The following RBFOX1 variants were observed in gnomAD, a reference collection of about 807,000 sequenced individuals.
RBFOX1 encodes RNA binding protein fox-1 homolog 1.
In RBFOX1, 8 loss-of-function variants were observed where a neutral mutation model predicts 57.7. The observed-to-expected ratio is 0.14, with a 90% CI of 0.08 to 0.25. The LOEUF (loss-of-function observed/expected upper bound fraction) is 0.25, where lower values mean the gene tolerates loss of function less well. Ranked by LOEUF, RBFOX1 falls within the 10% of genes least tolerant of loss-of-function variation. RBFOX1 has a pLI of 1.00. For synonymous variants in RBFOX1, 326 were observed against 222.4 expected (o/e 1.47, Z -4.15); for missense variants, 611 against 548.5 (o/e 1.11, Z -1.14).
chr16:7,542,229 G>A (rs2083147184), intron 5 of RBFOX1, among the ~76,000 whole-genome samples: 1 of 152,122 alleles, frequency 6.6e-6, no homozygotes, highest in Admixed American at 6.6e-5. Flanking sequence ...CTGGTCAAAG[G>A]GGAAAGAAAA....
chr16:6,383,913 A>G (rs2092041528), intron 2 of RBFOX1, among the ~76,000 whole-genome samples: 1 of 152,134 alleles, frequency 6.6e-6, no homozygotes, highest in South Asian at 2.1e-4. Flanking sequence ...TTGAAGCATA[A>G]TGGATCCTCT....
chr16:6,759,311 T>C (rs2076258514), intron 3 of RBFOX1, among the ~76,000 whole-genome samples: 1 of 152,056 alleles, frequency 6.6e-6, no homozygotes, highest in Non-Finnish European at 1.5e-5. Flanking sequence ...GCACCACAGC[T>C]GGCTAATTTT....
chr16:5,948,469 T>G (rs1273521405), intron 4 of RBFOX1, among the ~76,000 whole-genome samples: 2 of 152,174 alleles, frequency 1.3e-5, no homozygotes, highest in Admixed American at 6.6e-5. Flanking sequence ...GTGGCCATAT[T>G]TGGAAATAAG....
chr16:6,054,595 A>T (rs1567343364), intron 1 of RBFOX1, among the ~76,000 whole-genome samples: 1 of 152,138 alleles, frequency 6.6e-6, no homozygotes, highest in Non-Finnish European at 1.5e-5. Flanking sequence ...GGGTCTATGG[A>T]GGTGCAAACT....
Position 6,982,744 on chromosome 16 carries a change from A to G in RBFOX1, c.-15-69313A>G, listed in dbSNP as rs1471033902. ...GCAGTGGCTCATGCCTGTAATCCCA[A>G]CACTTTGGGAGGTCGAGGCAGGTGG... is the stretch of plus-strand genomic sequence containing the variant. On this transcript the variant is annotated intron_variant, in intron 3 of 15. Transcript: ENST00000550418. 2.0e-5 allele frequency among the ~76,000 whole-genome samples: 3 copies of G among 152,204 alleles called. No homozygotes were observed. The East Asian group carries it at 5.8e-4, about 29-fold the overall frequency.
At chr16:5,511,931 C>A (rs2043607363) in intron 2 of RBFOX1, among the ~76,000 whole-genome samples, 1 of 152,170 alleles carries the variant, frequency 6.6e-6, no homozygotes, top group Non-Finnish European at 1.5e-5. Flanking sequence ...GTCTATTAAT[C>A]CACAGCTTCA....
At chr16:6,344,908 C>G (rs1051717107) in intron 2 of RBFOX1, among the ~76,000 whole-genome samples, 14 of 150,382 alleles carry the variant, frequency 9.3e-5, no homozygotes, top group Non-Finnish European at 1.5e-4. Flanking sequence ...CCAGGCTGGT[C>G]TTGAATTTCT....
At chr16:7,386,193 T>C (rs1391213265) in intron 4 of RBFOX1, among the ~76,000 whole-genome samples, 1 of 152,138 alleles carries the variant, frequency 6.6e-6, no homozygotes, top group African/African-American at 2.4e-5. Context: ...AGCGGGTATC[T>C]GCATCCCCCA....
intron 3 of RBFOX1, among the ~76,000 whole-genome samples, chr16:6,711,345 A>C (rs1387285862): frequency 6.6e-6 from 1 of 152,132 alleles, no homozygotes; most frequent in South Asian, 2.1e-4. Flanking sequence ...CAAGGTCCCC[A>C]CATTCTGGTC....
At chr16:6,278,546 A>G (rs115666217) in intron 1 of RBFOX1, among the ~76,000 whole-genome samples, 2,097 of 152,198 alleles carry the variant, frequency 0.014, 52 homozygotes, top group African/African-American at 0.048. Context: ...AGAAAAAAAT[A>G]ACAATTTTCC....
At chr16:6,441,705 A>T (rs144921331) in intron 2 of RBFOX1, among the ~76,000 whole-genome samples, 27 of 152,222 alleles carry the variant, frequency 1.8e-4, no homozygotes, top group Non-Finnish European at 3.1e-4. Context: ...GGTGTGAGCC[A>T]CCTCGTGCAG....
At chr16:6,200,108 A>G (rs1216080677) in intron 1 of RBFOX1, among the ~76,000 whole-genome samples, 3 of 152,172 alleles carry the variant, frequency 2.0e-5, no homozygotes, top group African/African-American at 7.2e-5. Context: ...CCCATTGGAA[A>G]GGGAGCCAAA....
At chr16:6,062,013 G>A (rs145428070) in intron 1 of RBFOX1, among the ~76,000 whole-genome samples, 321 of 152,240 alleles carry the variant, frequency 2.1e-3, no homozygotes, top group Non-Finnish European at 3.5e-3. Flanking sequence ...TAAGTTGATC[G>A]AGTGGCTTAT....
At chr16:7,019,447 G>C (rs1345539680) in intron 3 of RBFOX1, among the ~76,000 whole-genome samples, 1 of 152,044 alleles carries the variant, frequency 6.6e-6, no homozygotes. Context: ...TGCTGTTGTA[G>C]GTTTTGCTAA....
chr16:5,418,553 G>A (rs571274169), intron 1 of RBFOX1, among the ~76,000 whole-genome samples: 1 of 152,218 alleles, frequency 6.6e-6, no homozygotes, highest in East Asian at 1.9e-4. Flanking sequence ...TTGTTAGAGG[G>A]TGTTTGGTCC....
intron 1 of RBFOX1, among the ~76,000 whole-genome samples, chr16:6,292,815 C>T (rs892133127): frequency 6.6e-6 from 1 of 152,202 alleles, no homozygotes; most frequent in Admixed American, 6.5e-5. Context: ...TTAACTGAAA[C>T]TCAGCCTGGG....
chr16:7,000,600 T>C (rs111631462), intron 3 of RBFOX1, among the ~76,000 whole-genome samples: 20 of 76,920 alleles, frequency 2.6e-4, no homozygotes, highest in Middle Eastern at 8.3e-3. Flanking sequence ...TTCTTTCTTT[T>C]TTTTTTTTTT....
intron 3 of RBFOX1, among the ~76,000 whole-genome samples, chr16:5,797,388 G>A (rs1468677956): frequency 1.3e-5 from 2 of 152,182 alleles, no homozygotes; most frequent in East Asian, 3.9e-4. Flanking sequence ...TCTCCATTGG[G>A]TGCTTCTGAG....
chr16:7,212,604 C>A (rs1167106012), intron 4 of RBFOX1, among the ~76,000 whole-genome samples: 1 of 151,340 alleles, frequency 6.6e-6, no homozygotes, highest in Non-Finnish European at 1.5e-5. Flanking sequence ...TGAGAACTCT[C>A]ATATAAAGGC....
Sources: gnomAD v4.1 joint callset for allele counts (sites outside exome capture counted in the v4.1 genomes callset) on GRCh38, gnomAD v4.1.1 for gene constraint, MANE v1.5 for transcripts, NCBI Gene and HGNC (gene_info 2026-07-23, HGNC 2026-07-21) for gene names.